CEP63: variants seen among roughly 807,000 people sequenced by gnomAD.
CEP63 encodes centrosomal protein of 63 kDa.
Under a neutral mutation model 89.1 loss-of-function variants are expected in CEP63, and 84 were observed. That is an observed-to-expected ratio of 0.94 (90% CI 0.79 to 1.13). The LOEUF is 1.13. CEP63 is among the 50% of genes most tolerant of loss of function. The probability of loss-of-function intolerance (pLI) is 0.00; values close to 1 mark genes in which losing one functional copy is unlikely to be tolerated. For synonymous variants in CEP63, 267 were observed against 272.5 expected, an observed-to-expected ratio of 0.98 and a Z score of 0.20; for missense variants, 838 against 813.3, an observed-to-expected ratio of 1.03 and a Z score of -0.37.
chr3:134,601,431 G>A, the CEP63 span, among the ~76,000 whole-genome samples: 1 of 152,228 alleles, frequency 6.6e-6, no homozygotes, highest in Admixed American at 6.5e-5. Flanking sequence ...ACTAAGCGAG[G>A]CAGCCAGCGC....
the CEP63 span, among the ~76,000 whole-genome samples, chr3:134,615,958 G>T: frequency 6.6e-6 from 1 of 152,186 alleles, no homozygotes; most frequent in Admixed American, 6.5e-5. Flanking sequence ...CAGTGTCAGG[G>T]CTCAAACTCG....
the CEP63 span, among the ~76,000 whole-genome samples, chr3:134,687,515 C>T: frequency 6.6e-6 from 1 of 152,092 alleles, no homozygotes; most frequent in South Asian, 2.1e-4. Context: ...AATCCTCACC[C>T]CCAGGGTGCC....
At chr3:134,520,831 A>G (rs1947283006) in intron 3 of CEP63, among the ~76,000 whole-genome samples, 1 of 152,170 alleles carries the variant, frequency 6.6e-6, no homozygotes, top group Non-Finnish European at 1.5e-5. Context: ...TATGGGGGAA[A>G]AAGAAAGATT....
At chr3:134,761,310 A>C in the CEP63 span, among the ~76,000 whole-genome samples, 1 of 152,238 alleles carries the variant, frequency 6.6e-6, no homozygotes, top group Non-Finnish European at 1.5e-5. Context: ...ATGAATATGT[A>C]AAATGAAGGC....
chr3:134,525,958 C>A (rs1049177091), intron 3 of CEP63, among the ~76,000 whole-genome samples: 1 of 152,080 alleles, frequency 6.6e-6, no homozygotes, highest in Non-Finnish European at 1.5e-5. Flanking sequence ...TCTGCATTTC[C>A]TGAATTTGAA....
At chr3:134,712,865 G>A in the CEP63 span, among the ~76,000 whole-genome samples, 6 of 152,122 alleles carry the variant, frequency 3.9e-5, no homozygotes, top group African/African-American at 1.4e-4. Flanking sequence ...TATAAATCTG[G>A]CTGCCTGGGA....
the CEP63 span, among the ~76,000 whole-genome samples, chr3:134,699,631 G>A: frequency 2.0e-5 from 3 of 152,118 alleles, no homozygotes; most frequent in African/African-American, 2.4e-5. Context: ...CTGCCTTGTC[G>A]TCCTCACGGT....
the CEP63 span, among the ~76,000 whole-genome samples, chr3:134,685,561 T>C: frequency 6.7e-6 from 1 of 148,864 alleles, no homozygotes; most frequent in East Asian, 1.9e-4. Context: ...TCTTTATCCC[T>C]TTCTGAAGAA....
chr3:134,757,766 C>T, the CEP63 span, among the ~76,000 whole-genome samples: 1 of 152,082 alleles, frequency 6.6e-6, no homozygotes, highest in African/African-American at 2.4e-5. Context: ...GGAAGGCAAA[C>T]CTTGGGGGTC....
At chr3:134,583,959 A>G (rs1432919473) in intron 10 of CEP63, among the ~76,000 whole-genome samples, 9 of 152,098 alleles carry the variant, frequency 5.9e-5, no homozygotes, top group Non-Finnish European at 1.2e-4. Flanking sequence ...ATGGGAGTTC[A>G]CTCATGATTT....
At chr3:134,666,476 A>G in the CEP63 span, among the ~76,000 whole-genome samples, 1 of 152,154 alleles carries the variant, frequency 6.6e-6, no homozygotes, top group Non-Finnish European at 1.5e-5. Context: ...TCTCCCTCTC[A>G]TCTCTCCCCA....
chr3:134,740,558 A>G, the CEP63 span, among the ~76,000 whole-genome samples: 1 of 151,986 alleles, frequency 6.6e-6, no homozygotes, highest in Non-Finnish European at 1.5e-5. Flanking sequence ...TGGCCTCCCA[A>G]AGTGCTGGGA....
chr3:134,703,542 G>A, the CEP63 span, among the ~76,000 whole-genome samples: 10 of 152,114 alleles, frequency 6.6e-5, 1 homozygote, highest in South Asian at 1.2e-3. Flanking sequence ...ACCAAATACC[G>A]TATGTTCTCA....
chr3:134,607,664 C>A, the CEP63 span: 8 of 985,514 alleles, frequency 8.1e-6, no homozygotes, highest in Non-Finnish European at 8.4e-6. Flanking sequence ...TTTTTGTGAC[C>A]AGTTCTGGCC....
At chr3:134,538,398 G>A (rs1407610222) in intron 6 of CEP63, among the ~76,000 whole-genome samples, 3 of 150,584 alleles carry the variant, frequency 2.0e-5, no homozygotes, top group Non-Finnish European at 4.4e-5. Flanking sequence ...ACAATTGCAA[G>A]GAAGAAATTT....
At chr3:134,717,193 G>A in the CEP63 span, among the ~76,000 whole-genome samples, 2 of 152,224 alleles carry the variant, frequency 1.3e-5, no homozygotes, top group African/African-American at 4.8e-5. Flanking sequence ...CAATGGCTGA[G>A]GCAGGTGAAT....
the CEP63 span, among the ~76,000 whole-genome samples, chr3:134,665,870 C>G: frequency 6.6e-6 from 1 of 151,566 alleles, no homozygotes; most frequent in South Asian, 2.1e-4. Context: ...AACAAAGACA[C>G]TAAGAATGAG....
At chr3:134,628,204 G>A in the CEP63 span, 1 of 208,246 alleles carries the variant, frequency 4.8e-6, no homozygotes, top group African/African-American at 2.3e-5. Flanking sequence ...ACTGACCATG[G>A]ATGGAAACAA....
At chr3:134,641,223 C>T in the CEP63 span, 4 of 152,194 alleles carry the variant, frequency 2.6e-5, no homozygotes, top group African/African-American at 4.8e-5. Context: ...AAATTGTCCC[C>T]TGGGATAGGC....
Sources: allele counts gnomAD v4.1 joint callset (sites outside exome capture counted in the v4.1 genomes callset), GRCh38; gene constraint gnomAD v4.1.1; transcripts MANE v1.5; gene names NCBI Gene and HGNC (gene_info 2026-07-23, HGNC 2026-07-21).